The following ARL15 variants were observed in gnomAD, a reference collection of about 807,000 sequenced individuals.
The protein encoded by ARL15 is ADP-ribosylation factor-like protein 15.
A neutral mutation model predicts 25.2 loss-of-function variants in ARL15; 19 were observed. The observed-to-expected ratio is 0.75, with a 90% CI of 0.53 to 1.10. The LOEUF is 1.10. Among genes scored for constraint, ARL15 ranks in the 50% least tolerant of loss-of-function variants. The pLI is 0.00. For missense variants in ARL15, 220 were observed against 246.0 expected (o/e 0.89, Z 0.71); for synonymous variants, 94 against 86.8 (o/e 1.08, Z -0.46).
chr5:54,053,225 AAAC>A (rs202208071), intron 4 of ARL15, among the ~76,000 whole-genome samples: 3 of 149,832 alleles, frequency 2.0e-5, no homozygotes, highest in South Asian at 2.1e-4. Flanking sequence ...GCATCTCCAA[AAAC>A]AACAACAACA....
chr5:54,207,098 C>T (rs944940277), intron 1 of ARL15, among the ~76,000 whole-genome samples: 6 of 152,200 alleles, frequency 3.9e-5, no homozygotes, highest in Admixed American at 3.9e-4. Flanking sequence ...AGGAGTCTTG[C>T]TTTTCCTGAA....
intron 4 of ARL15, among the ~76,000 whole-genome samples, chr5:53,991,086 A>G (rs547394736): frequency 6.6e-6 from 1 of 152,270 alleles, no homozygotes; most frequent in East Asian, 1.9e-4. Context: ...GTGGAAGCCA[A>G]TGAGATAACT....
intron 1 of ARL15, among the ~76,000 whole-genome samples, chr5:54,250,294 C>A (rs1757205932): frequency 6.6e-6 from 1 of 152,120 alleles, no homozygotes; most frequent in African/African-American, 2.4e-5. Context: ...CCACCCCTAC[C>A]AGGCCCCACC....
In ARL15 at chr5:54,045,103, C is replaced by A. The variant is rs116184879; in HGVS notation, c.462+68099G>T. On this transcript the variant is annotated intron_variant, in intron 4 of 4. Transcript: ENST00000504924. Reference sequence around the variant, plus strand: ...AGAAATGTAACTGCTGAGAAACAGTCGAAATGTGGTTCACTATACCTTACC... The same window carrying A: ...AGAAATGTAACTGCTGAGAAACAGTAGAAATGTGGTTCACTATACCTTACC... Among the ~76,000 whole-genome samples, 1,077 of 152,216 alleles carry A rather than the reference C, an allele frequency of 7.1e-3. 12 individuals are homozygous for A. Among genetic ancestry groups the A allele is most frequent in the African/African-American group, 0.025 (1,036 of 41,512 alleles).
intron 4 of ARL15, among the ~76,000 whole-genome samples, chr5:53,979,121 T>C (rs1748038297): frequency 6.6e-6 from 1 of 152,354 alleles, no homozygotes; most frequent in South Asian, 2.1e-4. Context: ...ACAGCACATC[T>C]AGAAGTGAGT....
rs976287489 is a variant in ARL15 at position 54,090,789 on chromosome 5, C to G, written c.462+22413G>C. ...GAAAAGAAGCTTGCCATGGGACTCT[C>G]TTTTAAATGAAAGTACACATACTTC... On this transcript the variant is annotated intron_variant, in intron 4 of 4. Transcript: ENST00000504924. Among the ~76,000 whole-genome samples the G allele has an allele frequency of 1.3e-5, 2 of 152,218 alleles. 1 individual carries two copies. Among genetic ancestry groups the G allele is most frequent in the South Asian group, 4.2e-4 (2 of 4,812 alleles).
At chr5:53,932,689 G>T (rs747714370) in intron 4 of ARL15, among the ~76,000 whole-genome samples, 1 of 152,170 alleles carries the variant, frequency 6.6e-6, no homozygotes, top group Non-Finnish European at 1.5e-5. Context: ...TTATCATTCC[G>T]TGCTATATTG....
At chr5:54,011,766 T>G (rs1258234963) in intron 4 of ARL15, among the ~76,000 whole-genome samples, 1 of 152,116 alleles carries the variant, frequency 6.6e-6, no homozygotes, top group Admixed American at 6.5e-5. Context: ...ATCCCAGCAC[T>G]TTGGGAAACC....
At chr5:54,143,719 T>TC (rs934707635) in intron 3 of ARL15, among the ~76,000 whole-genome samples, 2 of 141,614 alleles carry the variant, frequency 1.4e-5, no homozygotes, top group African/African-American at 5.6e-5. Context: ...ATCTTTATGC[T>TC]TTAAAAAAAA....
intron 4 of ARL15, among the ~76,000 whole-genome samples, chr5:54,079,389 G>C (rs775632208): frequency 3.3e-5 from 5 of 152,100 alleles, no homozygotes; most frequent in Non-Finnish European, 5.9e-5. Flanking sequence ...CAAGCAAATA[G>C]GGCCCAATAT....
chr5:53,956,182 G>T (rs1202513894), intron 4 of ARL15, among the ~76,000 whole-genome samples: 1 of 151,768 alleles, frequency 6.6e-6, no homozygotes, highest in Non-Finnish European at 1.5e-5. Flanking sequence ...ATCTCTTTCA[G>T]AACACTATCT....
chr5:54,281,942 C>T (rs986428784), intron 1 of ARL15, among the ~76,000 whole-genome samples: 1 of 152,158 alleles, frequency 6.6e-6, no homozygotes, highest in Non-Finnish European at 1.5e-5. Flanking sequence ...TAAATTAAAA[C>T]TCCATAATTG....
At chr5:53,914,545 C>T (rs536369862) in intron 4 of ARL15, among the ~76,000 whole-genome samples, 116 of 152,256 alleles carry the variant, frequency 7.6e-4, no homozygotes, top group African/African-American at 2.6e-3. Flanking sequence ...CATAAATATT[C>T]GTCCATTCAT....
intron 4 of ARL15, among the ~76,000 whole-genome samples, chr5:54,016,220 A>G (rs1749421894): frequency 1.3e-5 from 2 of 152,130 alleles, no homozygotes; most frequent in African/African-American, 2.4e-5. Context: ...TCTCTCCCTT[A>G]TAGTGTATAA....
intron 4 of ARL15, among the ~76,000 whole-genome samples, chr5:54,063,435 G>A (rs918769242): frequency 1.3e-5 from 2 of 152,142 alleles, no homozygotes; most frequent in African/African-American, 4.8e-5. Context: ...CCAGCTTGTG[G>A]GCAGACACAA....
chr5:53,957,053 A>C (rs1379267909), intron 4 of ARL15, among the ~76,000 whole-genome samples: 2 of 151,964 alleles, frequency 1.3e-5, no homozygotes, highest in Non-Finnish European at 2.9e-5. Flanking sequence ...ATGGCTAAAA[A>C]CTCCCCAAAT....
chr5:54,282,886 T>C (rs1157963398), intron 1 of ARL15, among the ~76,000 whole-genome samples: 1 of 152,192 alleles, frequency 6.6e-6, no homozygotes, highest in Non-Finnish European at 1.5e-5. Context: ...AACTTCTAAC[T>C]CCCAAATCAA....
At chr5:54,185,815 C>CA (rs1210679754) in intron 1 of ARL15, among the ~76,000 whole-genome samples, 1 of 152,050 alleles carries the variant, frequency 6.6e-6, no homozygotes, top group Non-Finnish European at 1.5e-5. Context: ...CCAAAGAAAA[C>CA]TTATTTTTAT....
chr5:54,276,064 T>C (rs1757921764), intron 1 of ARL15, among the ~76,000 whole-genome samples: 1 of 152,090 alleles, frequency 6.6e-6, no homozygotes, highest in Non-Finnish European at 1.5e-5. Context: ...CCAGCTTGGA[T>C]TTTTATATGA....
Sources: gnomAD v4.1 joint callset for allele counts (sites outside exome capture counted in the v4.1 genomes callset) on GRCh38, gnomAD v4.1.1 for gene constraint, MANE v1.5 for transcripts, NCBI Gene and HGNC (gene_info 2026-07-23, HGNC 2026-07-21) for gene names.